TMEM232: variants seen among roughly 807,000 people sequenced by gnomAD.
TMEM232 encodes transmembrane protein 232.
TMEM232 carries 80 observed loss-of-function variants against 78.8 expected under a neutral mutation model. That is an observed-to-expected ratio of 1.01 (90% CI 0.85 to 1.22). The LOEUF (loss-of-function observed/expected upper bound fraction) is 1.22. Among genes scored for constraint, TMEM232 ranks in the 50% most tolerant of loss-of-function variants. The pLI is 0.00. For missense variants in TMEM232, 881 were observed against 742.2 expected (o/e 1.19, Z -2.17); for synonymous variants, 297 against 254.3 (o/e 1.17, Z -1.60).
At chr5:110,466,268 A>G (rs1348497138) in intron 12 of TMEM232, among the ~76,000 whole-genome samples, 3 of 152,226 alleles carry the variant, frequency 2.0e-5, no homozygotes, top group African/African-American at 7.2e-5. Context: ...GAAAATACAT[A>G]CACAAAAACA....
chr5:110,692,354 T>C (rs768522428), intron 1 of TMEM232, among the ~76,000 whole-genome samples: 1 of 152,236 alleles, frequency 6.6e-6, no homozygotes, highest in Non-Finnish European at 1.5e-5. Context: ...GCAGCTCCAG[T>C]CTACAGCTCC....
chr5:110,651,013 TA>T lies in TMEM232; in HGVS notation c.126-8643del, dbSNP rs574975138. ...TTGACAAATAAAAAATGGGAGGTGA[TA>T]AAAAATCACTTCAAGATACAGCTTA... On this transcript the variant is annotated intron_variant, in intron 2 of 13. Transcript: ENST00000455884. Among the ~76,000 whole-genome samples, 971 of 152,212 alleles carry T rather than the reference TA, an allele frequency of 6.4e-3. 18 individuals carry two copies. Among genetic ancestry groups the T allele is most frequent in the African/African-American group, 0.022 (898 of 41,542 alleles).
chr5:110,606,416 A>G, intron 8 of TMEM232, 129 bp from the exon 9 acceptor site: 1 of 1,007,250 alleles, frequency 9.9e-7, no homozygotes, highest in Non-Finnish European at 1.4e-6. Context: ...ATTTATTTTC[A>G]ATAAAGATTA....
At chr5:110,457,553 G>A (rs1761036443) in intron 12 of TMEM232, among the ~76,000 whole-genome samples, 1 of 151,828 alleles carries the variant, frequency 6.6e-6, no homozygotes, top group East Asian at 1.9e-4. Flanking sequence ...TTACATAAAT[G>A]TTTATAGTGA....
intron 11 of TMEM232, among the ~76,000 whole-genome samples, chr5:110,561,855 T>G (rs935617431): frequency 6.6e-6 from 1 of 152,116 alleles, no homozygotes. Flanking sequence ...ATGCACTTAT[T>G]GACATGGCAG....
intron 1 of TMEM232, among the ~76,000 whole-genome samples, chr5:110,719,165 G>A (rs1365533326): frequency 1.3e-5 from 2 of 151,654 alleles, no homozygotes; most frequent in Non-Finnish European, 2.9e-5. Context: ...GACTGCGTGT[G>A]TGTATATACA....
chr5:110,416,908 G>T (rs1331013630), downstream of TMEM232, among the ~76,000 whole-genome samples: 1 of 151,950 alleles, frequency 6.6e-6, no homozygotes, highest in Admixed American at 6.5e-5. Context: ...TAAATCATTT[G>T]CTTTCCTTTT....
At chr5:110,649,697 C>T (rs143844413) in intron 2 of TMEM232, among the ~76,000 whole-genome samples, 2,020 of 152,148 alleles carry the variant, frequency 0.013, 22 homozygotes, top group Non-Finnish European at 0.021. Flanking sequence ...ACTAGCATTC[C>T]TGAGAATCTT....
intron 8 of TMEM232, among the ~76,000 whole-genome samples, chr5:110,612,273 T>C (rs1198429975): frequency 6.6e-6 from 1 of 152,174 alleles, no homozygotes; most frequent in African/African-American, 2.4e-5. Flanking sequence ...TCAGGTTGCA[T>C]TGCTTTTTCG....
At chr5:110,490,179 A>AAGAG (rs1764921359) in intron 12 of TMEM232, among the ~76,000 whole-genome samples, 1 of 135,326 alleles carries the variant, frequency 7.4e-6, no homozygotes, top group Admixed American at 7.0e-5. Context: ...GAAAGAAAGA[A>AAGAG]AGAAAGAAAG....
chr5:110,676,199 T>A (rs1792004381), intron 1 of TMEM232, among the ~76,000 whole-genome samples: 1 of 152,246 alleles, frequency 6.6e-6, no homozygotes, highest in Admixed American at 6.5e-5. Context: ...ATTTTATATC[T>A]TGGCTATTGT....
intron 2 of TMEM232, among the ~76,000 whole-genome samples, chr5:110,659,230 A>G (rs541735842): frequency 6.6e-6 from 1 of 152,280 alleles, no homozygotes; most frequent in Non-Finnish European, 1.5e-5. Context: ...GATTATCGGT[A>G]TAAAGTATGT....
chr5:110,524,909 C>T (rs371446812), intron 12 of TMEM232, among the ~76,000 whole-genome samples: 2 of 151,642 alleles, frequency 1.3e-5, no homozygotes, highest in Admixed American at 1.3e-4. Flanking sequence ...CTGTTTTTTG[C>T]AATACTTTCT....
downstream of TMEM232, among the ~76,000 whole-genome samples, chr5:110,416,702 G>A (rs1756228101): frequency 6.6e-6 from 1 of 152,130 alleles, no homozygotes. Context: ...TTTACTGGTA[G>A]AAACAAAAGA....
chr5:110,389,723 T>C (rs1253780418), intron 4 of TMEM232, among the ~76,000 whole-genome samples: 2 of 152,208 alleles, frequency 1.3e-5, no homozygotes, highest in Non-Finnish European at 2.9e-5. Context: ...CTTTTCTAGA[T>C]GCCAATATCA....
chr5:110,708,309 T>C (rs961833019), intron 1 of TMEM232, among the ~76,000 whole-genome samples: 5 of 152,150 alleles, frequency 3.3e-5, no homozygotes, highest in Admixed American at 1.3e-4. Flanking sequence ...AGGGATTTCA[T>C]CAACACCAGT....
At chr5:110,673,770 C>T (rs973444101) in intron 1 of TMEM232, among the ~76,000 whole-genome samples, 1 of 152,130 alleles carries the variant, frequency 6.6e-6, no homozygotes. Flanking sequence ...GAAAAGCATA[C>T]GCCTATCAGT....
chr5:110,538,815 GT>G (rs113073695), intron 11 of TMEM232, among the ~76,000 whole-genome samples: 44 of 146,656 alleles, frequency 3.0e-4, no homozygotes, highest in East Asian at 3.0e-3. Context: ...AAATTCAGTT[GT>G]TTTTTTTTTT....
At chr5:110,575,591 A>G (rs1777484824) in intron 10 of TMEM232, among the ~76,000 whole-genome samples, 1 of 152,066 alleles carries the variant, frequency 6.6e-6, no homozygotes, top group African/African-American at 2.4e-5. Flanking sequence ...GAGTAAATAC[A>G]GCACCTTCAA....
Sources: allele counts gnomAD v4.1 joint callset (sites outside exome capture counted in the v4.1 genomes callset), GRCh38; gene constraint gnomAD v4.1.1; transcripts MANE v1.5; gene names NCBI Gene and HGNC (gene_info 2026-07-23, HGNC 2026-07-21).